Variants in ZNF529 observed in about 807,000 individuals in gnomAD.
ZNF529 encodes the protein zinc finger protein 529.
ZNF529 carries 11 observed loss-of-function variants against 10.1 expected under a neutral mutation model. That is an observed-to-expected ratio of 1.09 (90% CI 0.69 to 1.81). The LOEUF (loss-of-function observed/expected upper bound fraction) is 1.81, where lower values mean the gene tolerates loss of function less well. Ranked by LOEUF, ZNF529 falls within the 40% of genes most tolerant of loss-of-function variation. The pLI, the probability that ZNF529 is intolerant of heterozygous loss-of-function variation, is 0.00. For missense variants in ZNF529, 624 were observed against 666.8 expected, an observed-to-expected ratio of 0.94 and a Z score of 0.71; for synonymous variants, 204 against 215.7, an observed-to-expected ratio of 0.95 and a Z score of 0.47.
intron 2 of ZNF529, among the ~76,000 whole-genome samples, chr19:36,579,632 A>G (rs1370115313): frequency 6.6e-6 from 1 of 152,256 alleles, no homozygotes. Flanking sequence ...GTGTTTGTGT[A>G]TCTAAACATA....
rs74174421 is a variant in ZNF529, at chr19:36,601,179, A to AT, written c.-128+3946dup. ...TCCTATTTCCTTAATTACAAGTGTA[A>AT]TTTTTTTTTTTTTTTTTGAGACGGA... On this transcript the variant is annotated intron_variant, in intron 1 of 4. Transcript: ENST00000585960. Among the ~76,000 whole-genome samples the AT allele has an allele frequency of 5.4e-3, 764 of 141,534 alleles. 4 individuals carry two copies. Among genetic ancestry groups the AT allele is most frequent in the Middle Eastern group, 0.03 (8 of 270 alleles). The allele number at this position is 141,534 out of a possible 152,430, so 92.9% of individuals were successfully genotyped here. A position where few individuals can be genotyped will look rare whatever the true frequency, so the allele number is the denominator to read the frequency against.
chr19:36,572,455 G>A, intron 1 of ZNF529, 63 bp from the exon 2 acceptor site: 1 of 1,308,072 alleles, frequency 7.6e-7, no homozygotes, highest in African/African-American at 1.5e-5. Flanking sequence ...AGAACACAGT[G>A]TTCACCACCA....
chr19:36,556,771 G>T (rs975753391), intron 2 of ZNF529, among the ~76,000 whole-genome samples: 5 of 152,210 alleles, frequency 3.3e-5, no homozygotes, highest in Non-Finnish European at 7.3e-5. Context: ...CCTACCTCCA[G>T]CACTAGAATG....
At chr19:36,584,407 T>A (rs2036534338) in intron 2 of ZNF529, among the ~76,000 whole-genome samples, 1 of 152,094 alleles carries the variant, frequency 6.6e-6, no homozygotes, top group Non-Finnish European at 1.5e-5. Flanking sequence ...GGGGATTCTG[T>A]TTACTAAGTA....
intron 2 of ZNF529, among the ~76,000 whole-genome samples, chr19:36,588,225 G>A (rs1055509023): frequency 4.6e-5 from 7 of 152,170 alleles, no homozygotes; most frequent in African/African-American, 1.4e-4. Flanking sequence ...CTTTAAATGG[G>A]TGAATTGTAT....
At chr19:36,573,401 C>A, upstream of ZNF529, 1 of 466,526 alleles carries the variant, frequency 2.1e-6, no homozygotes, top group Non-Finnish European at 4.5e-6. Context: ...GCCCGCTGGC[C>A]GCAGGGGCCG....
At chr19:36,557,038 T>C (rs2035502379) in intron 2 of ZNF529, among the ~76,000 whole-genome samples, 1 of 152,118 alleles carries the variant, frequency 6.6e-6, no homozygotes, top group South Asian at 2.1e-4. Context: ...TCAGAACAAA[T>C]CTCGAACACT....
chr19:36,597,178 A>G (rs536903436), intron 1 of ZNF529, among the ~76,000 whole-genome samples: 1 of 152,248 alleles, frequency 6.6e-6, no homozygotes, highest in East Asian at 1.9e-4. Flanking sequence ...CCAATAGTTA[A>G]TCTTTTTATT....
At chr19:36,598,886 C>A (rs199855813) in intron 1 of ZNF529, among the ~76,000 whole-genome samples, 67 of 152,264 alleles carry the variant, frequency 4.4e-4, no homozygotes, top group Non-Finnish European at 7.9e-4. Context: ...CTTTCTGAGG[C>A]CTGCTCTTTC....
intron 1 of ZNF529, among the ~76,000 whole-genome samples, chr19:36,599,161 C>A (rs2036885981): frequency 6.6e-6 from 1 of 152,094 alleles, no homozygotes; most frequent in Non-Finnish European, 1.5e-5. Context: ...ATCATAAACC[C>A]ATCCTCAGCA....
chr19:36,569,117 ACC>A (rs2036002575), intron 2 of ZNF529, among the ~76,000 whole-genome samples: 1 of 152,158 alleles, frequency 6.6e-6, no homozygotes, highest in Non-Finnish European at 1.5e-5. Context: ...CATGCTACAG[ACC>A]CAGGAAAAAC....
Position 36,573,219 on chromosome 19 carries a change from G to T in ZNF529, c.-126C>A, listed in dbSNP as rs1010133932. 3 of 322,656 alleles carry T rather than the reference G, an allele frequency of 9.3e-6. No homozygotes were observed. The highest frequency in any genetic ancestry group is 1.9e-5 in the Non-Finnish European group (3 of 158,404). 20.0% of individuals were successfully genotyped at this position (322,656 alleles called of 1,614,324 possible). On this transcript the variant is annotated 5_prime_UTR_variant, in exon 1 of 5. Coordinates refer to ENST00000591340, the MANE Select transcript of ZNF529 (RefSeq NM_020951.5). The stretch of plus-strand genomic sequence containing the variant: ...GACCGACCTCGCCCGGCAGCGCGGG[G>T]CCACCTCACCGCGAGCTCCTCCCGC...
intron 2 of ZNF529, among the ~76,000 whole-genome samples, chr19:36,583,601 GTAAA>G (rs1334686501): frequency 6.7e-6 from 1 of 149,722 alleles, no homozygotes; most frequent in Admixed American, 6.7e-5. Context: ...GGTCAGCAGA[GTAAA>G]TAAATAATAA....
intron 2 of ZNF529, among the ~76,000 whole-genome samples, chr19:36,556,589 T>A (rs1258730932): frequency 6.6e-6 from 1 of 152,256 alleles, no homozygotes; most frequent in Non-Finnish European, 1.5e-5. Flanking sequence ...AACTTGGATG[T>A]GGTACTGCTG....
At position 36,547,341 on chromosome 19, in the gene ZNF529, C is replaced by G. The variant is rs200391819; in HGVS notation, c.1217G>C (p.Ser406Thr). 33 of 1,613,722 alleles carry G rather than the reference C, an allele frequency of 2.0e-5. No individual in the cohort carries two copies. The African/African-American group carries it at 4.4e-4, about 22-fold the overall frequency. Residue 406 changes from serine (S) to threonine (T), a missense_variant, in exon 5 of 5, where the codon AGT becomes ACT. Coordinates refer to ENST00000591340, the MANE Select transcript of ZNF529 (RefSeq NM_020951.5). ...CKACGKVFRN[S>T]SSLTRHQRIH... Reference sequence around the variant, plus strand: ...CCTCTGATGTCTAGTCAGGGATGAACTATTTCTAAAGACCTTTCCACATGC... The same window carrying G: ...CCTCTGATGTCTAGTCAGGGATGAAGTATTTCTAAAGACCTTTCCACATGC...
At chr19:36,585,141 C>CT (rs2036552855) in intron 2 of ZNF529, among the ~76,000 whole-genome samples, 1 of 152,158 alleles carries the variant, frequency 6.6e-6, no homozygotes, top group Non-Finnish European at 1.5e-5. Context: ...CCTTGCCTCT[C>CT]TGAGTTTGTA....
At chr19:36,578,162 T>G (rs1462516411), upstream of ZNF529, among the ~76,000 whole-genome samples, 1 of 149,272 alleles carries the variant, frequency 6.7e-6, no homozygotes, top group African/African-American at 2.5e-5. Context: ...CCTCCCAGGT[T>G]CAAGCGATCC....
intron 3 of ZNF529, 48 bp downstream of exon 3, chr19:36,556,055 GA>G: frequency 1.9e-6 from 3 of 1,538,974 alleles, no homozygotes; most frequent in Non-Finnish European, 2.6e-6. Context: ...TTGGTAGGAA[GA>G]ATCAGAAAAA....
chr19:36,552,774 CTAA>C (rs2035313099), intron 4 of ZNF529, among the ~76,000 whole-genome samples: 1 of 152,022 alleles, frequency 6.6e-6, no homozygotes, highest in African/African-American at 2.4e-5. Flanking sequence ...TAAAGTTTTA[CTAA>C]ATAAAATCAA....
Sources: allele counts gnomAD v4.1 joint callset (sites outside exome capture counted in the v4.1 genomes callset), GRCh38; gene constraint gnomAD v4.1.1; transcripts MANE v1.5; gene names NCBI Gene and HGNC (gene_info 2026-07-23, HGNC 2026-07-21).